The following COL26A1 variants were observed in gnomAD, a reference collection of about 807,000 sequenced individuals.
COL26A1 encodes collagen type XXVI alpha 1 chain.
Under a neutral mutation model 59.3 loss-of-function variants are expected in COL26A1, and 41 were observed. That is an observed-to-expected ratio of 0.69 (90% confidence interval 0.54 to 0.90). COL26A1 has a LOEUF of 0.90. COL26A1 is among the 40% of genes least tolerant of loss of function. The pLI, the probability that COL26A1 is intolerant of heterozygous loss-of-function variation, is 0.00. For missense variants in COL26A1, 612 were observed against 602.3 expected (o/e 1.02, Z -0.17); for synonymous variants, 266 against 256.0 (o/e 1.04, Z -0.37).
chr7:101,446,538 G>C (rs998694003), intron 2 of COL26A1, among the ~76,000 whole-genome samples: 5 of 152,096 alleles, frequency 3.3e-5, no homozygotes, highest in Non-Finnish European at 7.4e-5. Flanking sequence ...GATTTATCAA[G>C]ACAGGGGAAT....
intron 3 of COL26A1, among the ~76,000 whole-genome samples, chr7:101,469,879 T>C (rs1468596920): frequency 6.6e-6 from 1 of 152,058 alleles, no homozygotes; most frequent in East Asian, 1.9e-4. Context: ...TACCATCTTA[T>C]TGTAAAGGAA....
At chr7:101,423,904 T>G (rs1428369669) in intron 2 of COL26A1, among the ~76,000 whole-genome samples, 1 of 152,088 alleles carries the variant, frequency 6.6e-6, no homozygotes, top group Non-Finnish European at 1.5e-5. Flanking sequence ...GTGGGAACCT[T>G]GCTAATTAAA....
At chr7:101,488,763 T>C (rs538590021) in intron 3 of COL26A1, among the ~76,000 whole-genome samples, 4 of 152,310 alleles carry the variant, frequency 2.6e-5, no homozygotes, top group Admixed American at 2.6e-4. Flanking sequence ...TTCAGAACTT[T>C]TTCATTGTCC....
At chr7:101,440,853 T>A (rs1793038987) in intron 2 of COL26A1, among the ~76,000 whole-genome samples, 1 of 151,844 alleles carries the variant, frequency 6.6e-6, no homozygotes. Context: ...AAATTACTCC[T>A]GTAATTGCAG....
chr7:101,390,727 G>A (rs370290138), intron 1 of COL26A1, among the ~76,000 whole-genome samples: 2 of 152,146 alleles, frequency 1.3e-5, no homozygotes, highest in Non-Finnish European at 2.9e-5. Context: ...GCCTGGCCTG[G>A]AGCCACTTTT....
intron 3 of COL26A1, among the ~76,000 whole-genome samples, chr7:101,448,956 G>T (rs530386492): frequency 6.6e-6 from 1 of 152,310 alleles, no homozygotes; most frequent in South Asian, 2.1e-4. Flanking sequence ...AAAGAATAAC[G>T]CAATTGACAG....
intron 1 of COL26A1, among the ~76,000 whole-genome samples, chr7:101,402,917 C>G (rs1181806430): frequency 6.6e-6 from 1 of 151,772 alleles, no homozygotes; most frequent in African/African-American, 2.4e-5. Context: ...GCAATCTCAG[C>G]TCACTGCAGC....
chr7:101,404,340 T>C (rs1445906024), intron 1 of COL26A1, among the ~76,000 whole-genome samples: 2 of 152,276 alleles, frequency 1.3e-5, no homozygotes, highest in East Asian at 1.9e-4. Flanking sequence ...TCTGAAAGCA[T>C]CCTCGCCAAA....
At position 101,517,468 on chromosome 7, in the gene COL26A1, A is replaced by G. The variant is rs1490521923; in HGVS notation, c.386-15614A>G. 2.0e-5 allele frequency among the ~76,000 whole-genome samples: 3 copies of G among 152,170 alleles called. No homozygotes were observed. The East Asian group carries it at 5.8e-4, about 29-fold the overall frequency. ...GACTTGCTCCTCCTTGCCTTCCGCC[A>G]TGATTGTGAGACTTCCCCAGCCACG... is the stretch of plus-strand genomic sequence containing the variant. On this transcript the variant is annotated intron_variant, in intron 3 of 12. Coordinates refer to ENST00000313669, the MANE Select transcript of COL26A1 (RefSeq NM_001278563.3).
intron 2 of COL26A1, among the ~76,000 whole-genome samples, chr7:101,438,717 C>A (rs896438659): frequency 1.3e-5 from 2 of 151,516 alleles, no homozygotes; most frequent in African/African-American, 4.8e-5. Context: ...GCGGTCCAGG[C>A]TGGAGTGCAG....
intron 3 of COL26A1, among the ~76,000 whole-genome samples, chr7:101,489,864 T>TG (rs1364920659): frequency 1.8e-5 from 1 of 54,374 alleles, no homozygotes; most frequent in Non-Finnish European, 3.4e-5. Flanking sequence ...CTTTCTTTCT[T>TG]TCTTTCTTTC....
intron 2 of COL26A1, among the ~76,000 whole-genome samples, chr7:101,445,286 T>C (rs1041934168): frequency 1.3e-5 from 2 of 152,210 alleles, no homozygotes; most frequent in African/African-American, 2.4e-5. Flanking sequence ...CTTGTGTTGC[T>C]ATAAAGAAAT....
intron 3 of COL26A1, among the ~76,000 whole-genome samples, chr7:101,455,002 A>G (rs1371910106): frequency 6.6e-6 from 1 of 150,686 alleles, no homozygotes; most frequent in Non-Finnish European, 1.5e-5. Context: ...ATATGGATCT[A>G]TGTCTAACTA....
intron 1 of COL26A1, among the ~76,000 whole-genome samples, chr7:101,392,953 A>T (rs1032171681): frequency 3.3e-5 from 5 of 151,986 alleles, no homozygotes; most frequent in Non-Finnish European, 7.4e-5. Flanking sequence ...GACTGTTCAG[A>T]TGTAAACAAA....
chr7:101,545,205 G>A (rs759341296), intron 6 of COL26A1, 133 bp from the exon 7 acceptor site: 64 of 714,530 alleles, frequency 9.0e-5, no homozygotes, highest in South Asian at 5.2e-4. Context: ...ACTGTGGATC[G>A]GAGGTCACCA....
At chr7:101,447,610 C>T in intron 2 of COL26A1, 74 bp from the exon 3 acceptor site, 3 of 1,049,146 alleles carry the variant, frequency 2.9e-6, no homozygotes, top group Non-Finnish European at 2.9e-6. Context: ...ACAGCCTGGC[C>T]CATCTTTGCA....
intron 2 of COL26A1, among the ~76,000 whole-genome samples, chr7:101,428,882 A>C (rs1792709272): frequency 6.7e-6 from 1 of 150,324 alleles, no homozygotes; most frequent in Admixed American, 6.6e-5. Flanking sequence ...AAAAGTTTTT[A>C]TGTTTGATGC....
At chr7:101,362,808 C>T (rs989376076), upstream of COL26A1, 21 of 537,426 alleles carry the variant, frequency 3.9e-5, no homozygotes, top group African/African-American at 6.1e-5. Flanking sequence ...AAAAGCCCCA[C>T]GCCCCCTTTG....
At chr7:101,379,489 C>G (rs1791397150) in intron 1 of COL26A1, among the ~76,000 whole-genome samples, 1 of 152,114 alleles carries the variant, frequency 6.6e-6, no homozygotes, top group Non-Finnish European at 1.5e-5. Context: ...ATCCTTCCTG[C>G]CTCTCACCCT....
Sources: allele counts gnomAD v4.1 joint callset (sites outside exome capture counted in the v4.1 genomes callset), GRCh38; gene constraint gnomAD v4.1.1; transcripts MANE v1.5; gene names NCBI Gene and HGNC (gene_info 2026-07-23, HGNC 2026-07-21).